GTPBP10: variants seen among roughly 807,000 people sequenced by gnomAD.
GTPBP10 encodes the protein GTP binding protein 10, also known as GTP-binding protein 10.
A neutral mutation model predicts 44.8 loss-of-function variants in GTPBP10; 38 were observed. The observed-to-expected ratio is 0.85, with a 90% CI of 0.65 to 1.11. GTPBP10 has a LOEUF of 1.11. Among genes scored for constraint, GTPBP10 ranks in the 50% most tolerant of loss-of-function variants. The pLI, the probability that GTPBP10 is intolerant of heterozygous loss-of-function variation, is 0.00. For missense variants in GTPBP10, 462 were observed against 453.7 expected, an observed-to-expected ratio of 1.02 and a Z score of -0.17; for synonymous variants, 152 against 150.6, an observed-to-expected ratio of 1.01 and a Z score of -0.07.
chr7:90,384,372 G>A (rs1452117348), intron 9 of GTPBP10, among the ~76,000 whole-genome samples: 1 of 152,146 alleles, frequency 6.6e-6, no homozygotes. Flanking sequence ...CCCTTGTGGG[G>A]TGATAGATTG....
At chr7:90,354,006 TC>T in intron 2 of GTPBP10, among the ~76,000 whole-genome samples, 1 of 152,138 alleles carries the variant, frequency 6.6e-6, no homozygotes, top group South Asian at 2.1e-4. Context: ...TTTAAATTTT[TC>T]TTTTTTTGTA....
At chr7:90,358,269 A>G (rs1336550169) in intron 4 of GTPBP10, among the ~76,000 whole-genome samples, 2 of 152,170 alleles carry the variant, frequency 1.3e-5, no homozygotes, top group Non-Finnish European at 2.9e-5. Flanking sequence ...AACACTGCTG[A>G]AAGAAATCAT....
chr7:90,359,826 A>C (rs1016344298), intron 4 of GTPBP10, among the ~76,000 whole-genome samples: 1 of 152,200 alleles, frequency 6.6e-6, no homozygotes, highest in Non-Finnish European at 1.5e-5. Context: ...CTTTTTAAGG[A>C]TCGCCATTCT....
chr7:90,360,107 G>C (rs936607990), intron 4 of GTPBP10, among the ~76,000 whole-genome samples: 1 of 151,916 alleles, frequency 6.6e-6, no homozygotes, highest in African/African-American at 2.4e-5. Flanking sequence ...CACTCCGATG[G>C]TAGTTTCTTT....
chr7:90,361,229 C>T (rs1283366112), intron 4 of GTPBP10, among the ~76,000 whole-genome samples: 1 of 152,112 alleles, frequency 6.6e-6, no homozygotes, highest in Non-Finnish European at 1.5e-5. Flanking sequence ...AAAGGGAGTG[C>T]TTCCAGTTTT....
rs115872658 is a variant in GTPBP10, at chr7:90,380,805, C to T, written c.778-2151C>T. ...CCAACACCCCTCCATCTTCCTCCCCCAAGCACCCTGGCAACCACCATTTTC... is the reference window on the plus strand; with the variant it reads ...CCAACACCCCTCCATCTTCCTCCCCTAAGCACCCTGGCAACCACCATTTTC... On this transcript the variant is annotated intron_variant, in intron 8 of 9. Coordinates refer to ENST00000222511, the MANE Select transcript of GTPBP10 (RefSeq NM_033107.4). Among the ~76,000 whole-genome samples the T allele has an allele frequency of 9.4e-3, 1,431 of 152,250 alleles. 31 individuals are homozygous for T. Among genetic ancestry groups the T allele is most frequent in the African/African-American group, 0.032 (1,343 of 41,544 alleles).
At chr7:90,372,644 A>T (rs917502141) in intron 5 of GTPBP10, among the ~76,000 whole-genome samples, 1 of 151,884 alleles carries the variant, frequency 6.6e-6, no homozygotes, top group African/African-American at 2.4e-5. Flanking sequence ...TGAAACCTCT[A>T]TACCCCTCAG....
intron 1 of GTPBP10, among the ~76,000 whole-genome samples, chr7:90,349,947 G>T (rs1795755273): frequency 6.6e-6 from 1 of 151,148 alleles, no homozygotes; most frequent in Non-Finnish European, 1.5e-5. Flanking sequence ...TATACTTTAA[G>T]TTCTAGGGTA....
chr7:90,374,012 A>T (rs369149428), intron 5 of GTPBP10, among the ~76,000 whole-genome samples: 1 of 151,996 alleles, frequency 6.6e-6, no homozygotes, highest in South Asian at 2.1e-4. Flanking sequence ...CTAGTTTTAC[A>T]TTTTTTGTAG....
intron 4 of GTPBP10, among the ~76,000 whole-genome samples, chr7:90,365,230 A>T (rs1016488729): frequency 3.3e-5 from 5 of 152,082 alleles, no homozygotes; most frequent in Admixed American, 6.6e-5. Flanking sequence ...TCGCACTGGG[A>T]GCTGTAGACT....
chr7:90,368,313 T>A (rs1796177735), intron 4 of GTPBP10, among the ~76,000 whole-genome samples: 1 of 152,232 alleles, frequency 6.6e-6, no homozygotes, highest in Non-Finnish European at 1.5e-5. Flanking sequence ...ATTTCCTGAA[T>A]TTGAATGTTG....
chr7:90,390,901 T>C lies in GTPBP10; in HGVS notation c.*5747T>C, dbSNP rs1278581896. The C allele has an allele frequency of 6.6e-6, 1 of 152,198 alleles. No homozygotes were observed. The highest frequency in any genetic ancestry group is 1.5e-5 in the Non-Finnish European group (1 of 68,030). 9.4% of individuals were successfully genotyped at this position (152,198 alleles called of 1,614,324 possible). A position where few individuals can be genotyped will look rare whatever the true frequency, so the allele number is the denominator to read the frequency against. ...AAGCTAAAATATGCCTTCGGTTTTG[T>C]GTGCTACAAATTGAGGGAGATTGAG... On this transcript the variant is annotated 3_prime_UTR_variant, in exon 10 of 10. Transcript: ENST00000222511.
In GTPBP10 at chr7:90,372,226, C is replaced by T. The variant is rs763297426; in HGVS notation, c.536C>T (p.Ala179Val). Residue 179 changes from alanine to valine, a missense_variant and splice_region_variant, in exon 5 of 10, where the codon GCA (alanine) becomes GTA (valine). Coordinates refer to ENST00000222511, the MANE Select transcript of GTPBP10 (RefSeq NM_033107.4). ...SHAKPAIADY[A>V]FTTLKPELGK... ...GCAAAACCTGCAATTGCAGATTACG[C>T]ATGTAAGTGTAATTTGATTGTACAT... is the stretch of plus-strand genomic sequence containing the variant. 5 of 1,583,234 alleles carry T rather than the reference C, an allele frequency of 3.2e-6. No individual in the cohort carries two copies. In the South Asian group the frequency reaches 5.6e-5, roughly 18 times the overall value.
At chr7:90,366,111 A>C (rs1367450362) in intron 4 of GTPBP10, among the ~76,000 whole-genome samples, 1 of 152,210 alleles carries the variant, frequency 6.6e-6, no homozygotes, top group African/African-American at 2.4e-5. Flanking sequence ...CCAAGGATGA[A>C]GCCAACTTGA....
intron 4 of GTPBP10, among the ~76,000 whole-genome samples, chr7:90,366,228 TTTGTTG>T (rs547372347): frequency 3.3e-5 from 5 of 151,890 alleles, no homozygotes; most frequent in African/African-American, 9.7e-5. Flanking sequence ...GAATTCTCTT[TTTGTTG>T]TTGTTGTTGT....
intron 1 of GTPBP10, among the ~76,000 whole-genome samples, chr7:90,349,464 C>T (rs1795746039): frequency 6.6e-6 from 1 of 152,166 alleles, no homozygotes; most frequent in Non-Finnish European, 1.5e-5. Flanking sequence ...CTTTACAAGT[C>T]AGTCTCGTAT....
At chr7:90,355,313 G>T in intron 4 of GTPBP10, 83 bp downstream of exon 4, 1 of 891,754 alleles carries the variant, frequency 1.1e-6, no homozygotes, top group African/African-American at 1.7e-5. Context: ...GTAATTTGGG[G>T]CCATAATTAT....
At chr7:90,374,630 C>T (rs1220028211) in intron 6 of GTPBP10, among the ~76,000 whole-genome samples, 1 of 152,126 alleles carries the variant, frequency 6.6e-6, no homozygotes, top group African/African-American at 2.4e-5. Context: ...TCTTTTACTA[C>T]TATATTGGAT....
chr7:90,380,155 T>G (rs1031810960), intron 8 of GTPBP10, among the ~76,000 whole-genome samples: 2 of 148,340 alleles, frequency 1.3e-5, no homozygotes, highest in Non-Finnish European at 3.0e-5. Flanking sequence ...CTCGGCTTAA[T>G]GCAACCCCCA....
Sources: allele counts gnomAD v4.1 joint callset (sites outside exome capture counted in the v4.1 genomes callset), GRCh38; gene constraint gnomAD v4.1.1; transcripts MANE v1.5; gene names NCBI Gene and HGNC (gene_info 2026-07-23, HGNC 2026-07-21).